Variants in TANGO6 observed in about 807,000 individuals in gnomAD.
TANGO6 encodes transport and Golgi organization protein 6 homolog.
A neutral mutation model predicts 114.2 loss-of-function variants in TANGO6; 90 were observed. The ratio of observed to expected loss-of-function variants is 0.79; its 90% CI spans 0.66 to 0.94. The LOEUF (loss-of-function observed/expected upper bound fraction) is 0.94, where lower values mean the gene tolerates loss of function less well. Ranked by LOEUF, TANGO6 falls within the 40% of genes least tolerant of loss-of-function variation. TANGO6 has a pLI of 0.00. For missense variants in TANGO6, 1,274 were observed against 1,315.3 expected (o/e 0.97, Z 0.49); for synonymous variants, 477 against 509.8 (o/e 0.94, Z 0.87).
In TANGO6 at chr16:68,906,851, T is replaced by C. The variant is rs138355746; in HGVS notation, c.1668-592T>C. On this transcript the variant is annotated intron_variant, in intron 9 of 17. Transcript: ENST00000261778. ...TCTTGTTACCCAGGCTGGAGTGCAATGGCACAATCTCGGCTCACTGCACCC... is the reference window on the plus strand; with the variant it reads ...TCTTGTTACCCAGGCTGGAGTGCAACGGCACAATCTCGGCTCACTGCACCC... Among the ~76,000 whole-genome samples the C allele has an allele frequency of 4.0e-3, 608 of 150,714 alleles. 6 individuals are homozygous for C. The highest frequency in any genetic ancestry group is 0.014 in the African/African-American group (574 of 41,050).
intron 2 of TANGO6, 93 bp downstream of exon 2, chr16:68,860,617 A>G (rs1343320764): frequency 6.9e-7 from 1 of 1,459,494 alleles, no homozygotes; most frequent in East Asian, 2.3e-5. Context: ...GGCAACTCTT[A>G]GTTCTTCAGA....
chr16:68,873,164 A>C (rs1962305270), intron 4 of TANGO6, among the ~76,000 whole-genome samples: 1 of 148,604 alleles, frequency 6.7e-6, no homozygotes, highest in Non-Finnish European at 1.5e-5. Flanking sequence ...ACCACTCCTC[A>C]TTCTCCCCTC....
At chr16:69,032,380 C>T (rs1174463776) in intron 16 of TANGO6, among the ~76,000 whole-genome samples, 1 of 152,002 alleles carries the variant, frequency 6.6e-6, no homozygotes, top group East Asian at 2.0e-4. Flanking sequence ...ATTCTCTTGC[C>T]TCAGCCTCTC....
intron 1 of TANGO6, among the ~76,000 whole-genome samples, chr16:68,859,082 A>G (rs1176579798): frequency 1.3e-5 from 2 of 152,194 alleles, no homozygotes; most frequent in Non-Finnish European, 2.9e-5. Context: ...TGGTTAAATT[A>G]ATGTTTGAGC....
At chr16:68,927,426 T>C (rs1963181243) in intron 12 of TANGO6, 142 bp from the exon 13 acceptor site, 6 of 794,784 alleles carry the variant, frequency 7.5e-6, no homozygotes, top group Non-Finnish European at 9.9e-6. Flanking sequence ...TATTCAGTGC[T>C]GGACCCAGGC....
chr16:68,863,203 A>G (rs1450012420), intron 3 of TANGO6, 142 bp downstream of exon 3: 1 of 520,730 alleles, frequency 1.9e-6, no homozygotes, highest in Admixed American at 3.5e-5. Context: ...TCATAAAATG[A>G]TATTTATAAA....
intron 15 of TANGO6, among the ~76,000 whole-genome samples, chr16:69,010,783 G>A (rs866563985): frequency 3.9e-5 from 6 of 152,130 alleles, no homozygotes; most frequent in African/African-American, 9.7e-5. Flanking sequence ...CTCCAGTGCC[G>A]TATGGCTTCC....
chr16:68,887,449 G>A (rs891480889), intron 7 of TANGO6, among the ~76,000 whole-genome samples: 1 of 152,214 alleles, frequency 6.6e-6, no homozygotes, highest in Non-Finnish European at 1.5e-5. Flanking sequence ...ACAAGAGAAT[G>A]CCAGCAGAGA....
chr16:68,942,729 C>G (rs747821689), intron 14 of TANGO6, among the ~76,000 whole-genome samples: 2 of 152,084 alleles, frequency 1.3e-5, no homozygotes, highest in East Asian at 1.9e-4. Flanking sequence ...AGAAAAAGTT[C>G]AGGAGCTGAT....
chr16:69,040,059 A>C (rs752848352), intron 16 of TANGO6, among the ~76,000 whole-genome samples: 2 of 152,212 alleles, frequency 1.3e-5, no homozygotes, highest in Middle Eastern at 3.2e-3. Flanking sequence ...CAGTACACAT[A>C]TTCCTTCCCA....
chr16:69,045,481 T>C (rs1175841327), intron 17 of TANGO6, among the ~76,000 whole-genome samples: 1 of 124,868 alleles, frequency 8.0e-6, no homozygotes, highest in Non-Finnish European at 1.7e-5. Flanking sequence ...CAGTGACTTA[T>C]GCCTGTAATC....
rs542829776 is a variant in TANGO6 at position 69,085,003 on chromosome 16, C to T, written c.*1342C>T. 5.2e-5 allele frequency: 8 copies of T among 152,432 alleles called. No homozygotes were observed. Among genetic ancestry groups the T allele is most frequent in the Admixed American group, 5.2e-4 (8 of 15,292 alleles). The allele number at this position is 152,432 out of a possible 1,614,324, so 9.4% of individuals were successfully genotyped here. A position where few individuals can be genotyped will look rare whatever the true frequency, so the allele number is the denominator to read the frequency against. On this transcript the variant is annotated 3_prime_UTR_variant, in exon 18 of 18. Transcript: ENST00000261778. ...GAGCTTAGTGAGCAGAGAGTTAGAA[C>T]AAATCTAGCTAGGTGTGTTTAAGGA...
At chr16:69,074,453 C>A (rs111347484) in intron 17 of TANGO6, among the ~76,000 whole-genome samples, 9 of 151,738 alleles carry the variant, frequency 5.9e-5, no homozygotes, top group African/African-American at 9.7e-5. Context: ...AGGACGTTCC[C>A]GAAAGAGGAG....
intron 11 of TANGO6, among the ~76,000 whole-genome samples, chr16:68,914,261 A>G (rs1378839737): frequency 6.6e-6 from 1 of 152,144 alleles, no homozygotes; most frequent in Admixed American, 6.5e-5. Flanking sequence ...TCCCTGGTTC[A>G]AGCGATTTTC....
intron 11 of TANGO6, among the ~76,000 whole-genome samples, chr16:68,911,698 GC>G (rs150570545): frequency 0.016 from 2,408 of 152,278 alleles, 39 homozygotes; most frequent in Non-Finnish European, 0.024. Flanking sequence ...ACAGGCATGA[GC>G]CACTGTGCCC....
chr16:69,021,468 C>CT (rs1050974760), intron 15 of TANGO6, among the ~76,000 whole-genome samples: 4 of 152,020 alleles, frequency 2.6e-5, no homozygotes, highest in African/African-American at 7.2e-5. Flanking sequence ...ACCTGTTTTA[C>CT]TTTTTTTGCC....
At chr16:68,868,584 A>C (rs1596996419) in intron 4 of TANGO6, among the ~76,000 whole-genome samples, 1 of 129,718 alleles carries the variant, frequency 7.7e-6, no homozygotes, top group South Asian at 2.4e-4. Flanking sequence ...TGCAACCTCC[A>C]CCTCCCGGGT....
At chr16:68,921,128 A>G (rs1321920692) in intron 12 of TANGO6, among the ~76,000 whole-genome samples, 1 of 151,074 alleles carries the variant, frequency 6.6e-6, no homozygotes, top group Non-Finnish European at 1.5e-5. Context: ...CAAAAAAAAA[A>G]AAAAAAAAAA....
chr16:68,970,259 A>G (rs1340004017), intron 14 of TANGO6, among the ~76,000 whole-genome samples: 1 of 152,202 alleles, frequency 6.6e-6, no homozygotes, highest in Non-Finnish European at 1.5e-5. Context: ...GCTAGGTGTA[A>G]TCACATGTCT....
Sources: gnomAD v4.1 joint callset for allele counts (sites outside exome capture counted in the v4.1 genomes callset) on GRCh38, gnomAD v4.1.1 for gene constraint, MANE v1.5 for transcripts, NCBI Gene and HGNC (gene_info 2026-07-23, HGNC 2026-07-21) for gene names.